The following SOHLH2 variants were observed in gnomAD, a reference collection of about 807,000 sequenced individuals.
SOHLH2 encodes spermatogenesis and oogenesis specific basic helix-loop-helix 2, also known as spermatogenesis- and oogenesis-specific basic helix-loop-helix-containing protein 2.
SOHLH2 carries 22 observed loss-of-function variants against 50.4 expected under a neutral mutation model. That is an observed-to-expected ratio of 0.44 (90% CI 0.31 to 0.62). The LOEUF (loss-of-function observed/expected upper bound fraction) is 0.62. Ranked by LOEUF, SOHLH2 falls within the 20% of genes least tolerant of loss-of-function variation. The probability of loss-of-function intolerance (pLI) is 0.08; values close to 1 mark genes in which losing one functional copy is unlikely to be tolerated. For synonymous variants in SOHLH2, 185 were observed against 187.3 expected (o/e 0.99, Z 0.10); for missense variants, 412 against 504.4 (o/e 0.82, Z 1.76).
At chr13:36,201,087 A>G (rs1868390109) in intron 2 of SOHLH2, among the ~76,000 whole-genome samples, 1 of 150,986 alleles carries the variant, frequency 6.6e-6, no homozygotes, top group South Asian at 2.1e-4. Context: ...GAAAAGAAGC[A>G]GAACTTATGT....
At chr13:36,198,450 A>T (rs924821919) in intron 2 of SOHLH2, among the ~76,000 whole-genome samples, 3 of 152,198 alleles carry the variant, frequency 2.0e-5, no homozygotes, top group Non-Finnish European at 2.9e-5. Context: ...AAGCATACGA[A>T]TCCTAAGATT....
In SOHLH2 at chr13:36,209,863, A is replaced by C. The variant is rs565484585; in HGVS notation, c.48+4616T>G. On this transcript the variant is annotated intron_variant, in intron 1 of 10. Transcript: ENST00000379881. ...CCTGCAGCTGAGGTGGTGTTTCCTC[A>C]GTGGGGGCCTCCTTTAATGGGACAA... 7.2e-5 allele frequency among the ~76,000 whole-genome samples: 11 copies of C among 152,296 alleles called. No homozygotes were observed. In the East Asian group the frequency reaches 2.1e-3, roughly 29 times the overall value.
rs572853082 is a variant in SOHLH2, at chr13:36,193,043, G to A, written c.430+578C>T. Among the ~76,000 whole-genome samples, 23 of 152,238 alleles carry A rather than the reference G, an allele frequency of 1.5e-4. No homozygotes were observed. In the South Asian group the frequency reaches 4.6e-3, roughly 30 times the overall value. On this transcript the variant is annotated intron_variant, in intron 4 of 10. Transcript: ENST00000379881. ...CAGTAGAATTTAATTTCCGTAATTG[G>A]AGTCTGTCCTTTCACAAGCCAAATG...
intron 2 of SOHLH2, among the ~76,000 whole-genome samples, chr13:36,194,758 G>C (rs911925913): frequency 4.9e-4 from 74 of 152,256 alleles, no homozygotes; most frequent in African/African-American, 1.7e-3. Flanking sequence ...AGATTTTAAA[G>C]AGAACAGTTT....
At chr13:36,211,799 G>A (rs564620258) in intron 1 of SOHLH2, among the ~76,000 whole-genome samples, 24 of 152,284 alleles carry the variant, frequency 1.6e-4, no homozygotes, top group African/African-American at 4.8e-4. Context: ...AAGTAATACC[G>A]AACTGAGCAC....
chr13:36,170,592 A>G lies in SOHLH2; in HGVS notation c.1196T>C (p.Leu399Pro). ...CCCAGAAGTGCAGTGCCGAGGGAGAAGCTTTGAGACCGGGGGCATGGCTGA... is the reference window on the plus strand; with the variant it reads ...CCCAGAAGTGCAGTGCCGAGGGAGAGGCTTTGAGACCGGGGGCATGGCTGA... ...LPSAMPPVSK[L>P]LPRHCTSGLG... is the part of the protein sequence containing the mutation. Residue 399 changes from leucine (L) to proline (P), a missense_variant, in exon 10 of 11, where the codon CTT becomes CCT. Coordinates refer to ENST00000379881, the MANE Select transcript of SOHLH2 (RefSeq NM_017826.3). The G allele has an allele frequency of 1.2e-6, 2 of 1,614,204 alleles. No homozygotes were observed. Among genetic ancestry groups the G allele is most frequent in the Admixed American group, 1.7e-5 (1 of 60,026 alleles).
intron 9 of SOHLH2, among the ~76,000 whole-genome samples, chr13:36,172,266 C>T (rs1278336787): frequency 2.0e-5 from 3 of 152,210 alleles, no homozygotes; most frequent in Non-Finnish European, 4.4e-5. Flanking sequence ...AAAAAAATAA[C>T]ATTGACAGGC....
At chr13:36,195,661 G>C (rs1887702738) in intron 2 of SOHLH2, among the ~76,000 whole-genome samples, 1 of 152,204 alleles carries the variant, frequency 6.6e-6, no homozygotes, top group South Asian at 2.1e-4. Context: ...CAGTGATCCA[G>C]GCAAGAGCTG....
At chr13:36,211,459 T>C (rs1414021087) in intron 1 of SOHLH2, among the ~76,000 whole-genome samples, 2 of 152,278 alleles carry the variant, frequency 1.3e-5, no homozygotes, top group Non-Finnish European at 2.9e-5. Flanking sequence ...ACAAGGTCCT[T>C]GCCCTCATGG....
chr13:36,174,679 C>T, intron 7 of SOHLH2, 43 bp downstream of exon 7: 1 of 1,594,932 alleles, frequency 6.3e-7, no homozygotes, highest in Non-Finnish European at 8.5e-7. Context: ...AGTATTAAAG[C>T]ATGTCTATAA....
chr13:36,189,936 T>G lies in SOHLH2; in HGVS notation c.641+10A>C. 2 of 1,583,130 alleles carry G rather than the reference T, an allele frequency of 1.3e-6. No individual in the cohort carries two copies. The highest frequency in any genetic ancestry group is 8.6e-7 in the Non-Finnish European group (1 of 1,165,208). ...GAATAATGCTTAAAAAGTGCTATAT[T>G]AAAATTCACCTTCTTAGTTTTTCCT... is the stretch of plus-strand genomic sequence containing the variant. On this transcript the variant is annotated intron_variant, in intron 6 of 10. Coordinates refer to ENST00000379881, the MANE Select transcript of SOHLH2 (RefSeq NM_017826.3).
chr13:36,196,126 A>AGATAGATAG (rs71084410), intron 2 of SOHLH2, among the ~76,000 whole-genome samples: 1 of 135,250 alleles, frequency 7.4e-6, no homozygotes, highest in Non-Finnish European at 1.6e-5. Flanking sequence ...ATAGATAGAT[A>AGATAGATAG]ATTTTTTTTT....
chr13:36,209,899 G>T (rs1340751733), intron 1 of SOHLH2, among the ~76,000 whole-genome samples: 1 of 152,192 alleles, frequency 6.6e-6, no homozygotes, highest in Non-Finnish European at 1.5e-5. Flanking sequence ...CTGACTATGG[G>T]TTTGGTGAGA....
chr13:36,171,093 G>A (rs2138264317), intron 9 of SOHLH2, among the ~76,000 whole-genome samples: 1 of 152,192 alleles, frequency 6.6e-6, no homozygotes, highest in East Asian at 1.9e-4. Context: ...TCTGAAGCAA[G>A]GAAGAAGGTT....
chr13:36,192,350 A>G (rs1055179671), intron 4 of SOHLH2, among the ~76,000 whole-genome samples: 1 of 152,284 alleles, frequency 6.6e-6, no homozygotes, highest in Non-Finnish European at 1.5e-5. Context: ...CATGGTCATG[A>G]CCAACAGAGG....
intron 7 of SOHLH2, 46 bp from the exon 8 acceptor site, chr13:36,174,613 A>T: frequency 6.2e-7 from 1 of 1,611,446 alleles, no homozygotes; most frequent in Non-Finnish European, 8.5e-7. Flanking sequence ...ACATTTTTAC[A>T]TAGATACAAA....
chr13:36,214,331 G>A, intron 1 of SOHLH2, 148 bp downstream of exon 1: 1 of 1,007,952 alleles, frequency 9.9e-7, no homozygotes, highest in Non-Finnish European at 1.4e-6. Context: ...CTCGCGTCCT[G>A]GAAGGGGCCC....
Position 36,184,460 on chromosome 13 carries a change from C to CTTTTTTTTTTT in SOHLH2, c.641+5475_641+5485dup, listed in dbSNP as rs1229884029. 2.8e-4 allele frequency among the ~76,000 whole-genome samples: 34 copies of CTTTTTTTTTTT among 121,156 alleles called. 1 individual carries two copies. Among genetic ancestry groups the CTTTTTTTTTTT allele is most frequent in the South Asian group, 5.9e-4 (2 of 3,400 alleles). The allele number at this position is 121,156 out of a possible 152,430, so 79.5% of individuals were successfully genotyped here. On this transcript the variant is annotated intron_variant, in intron 6 of 10. Coordinates refer to ENST00000379881, the MANE Select transcript of SOHLH2 (RefSeq NM_017826.3). ...GATGGAAGTTTCTACCTACAAAGAC[C>CTTTTTTTTTTT]TTTTTTTTTTTTTTTTTTTGAGACG...
At chr13:36,170,211 C>T (rs1886924273) in intron 10 of SOHLH2, among the ~76,000 whole-genome samples, 1 of 152,066 alleles carries the variant, frequency 6.6e-6, no homozygotes, top group Non-Finnish European at 1.5e-5. Context: ...TGGGATGTGC[C>T]ACTGTGGAAG....
Sources: allele counts gnomAD v4.1 joint callset (sites outside exome capture counted in the v4.1 genomes callset), GRCh38; gene constraint gnomAD v4.1.1; transcripts MANE v1.5; gene names NCBI Gene and HGNC (gene_info 2026-07-23, HGNC 2026-07-21).